ACTL8: variants seen among roughly 807,000 people sequenced by gnomAD.
ACTL8 encodes actin like 8.
A neutral mutation model predicts 9.3 loss-of-function variants in ACTL8; 3 were observed. The ratio of observed to expected loss-of-function variants is 0.32; its 90% CI spans 0.15 to 0.83. ACTL8 has a LOEUF of 0.83. Among genes scored for constraint, ACTL8 ranks in the 40% least tolerant of loss-of-function variants. ACTL8 has a pLI of 0.57. For missense variants in ACTL8, 381 were observed against 492.2 expected (o/e 0.77, Z 2.14); for synonymous variants, 224 against 205.9 (o/e 1.09, Z -0.75).
intron 1 of ACTL8, among the ~76,000 whole-genome samples, chr1:17,794,248 G>C (rs1230332872): frequency 6.6e-6 from 1 of 152,198 alleles, no homozygotes; most frequent in Non-Finnish European, 1.5e-5. Context: ...GAGCCCAGTG[G>C]AGTGGAATCA....
intron 1 of ACTL8, among the ~76,000 whole-genome samples, chr1:17,802,386 G>A (rs1377081381): frequency 6.6e-6 from 1 of 151,676 alleles, no homozygotes; most frequent in Non-Finnish European, 1.5e-5. Context: ...GTTGCATCGT[G>A]CTGGCACTGA....
chr1:17,770,197 G>T (rs1405263060), intron 1 of ACTL8, among the ~76,000 whole-genome samples: 2 of 152,174 alleles, frequency 1.3e-5, no homozygotes, highest in African/African-American at 4.8e-5. Flanking sequence ...TCCTCCTCCT[G>T]ACATCTATCT....
At chr1:17,800,583 C>CTTTTTTTTTTTTTTTTTT (rs59143238) in intron 1 of ACTL8, among the ~76,000 whole-genome samples, 20 of 69,156 alleles carry the variant, frequency 2.9e-4, no homozygotes, top group African/African-American at 1.3e-3. Context: ...TGGTGTCAAT[C>CTTTTTTTTTTTTTTTTTT]TTTTTTTTTT....
chr1:17,794,119 A>G (rs927476842), intron 1 of ACTL8, among the ~76,000 whole-genome samples: 1 of 152,132 alleles, frequency 6.6e-6, no homozygotes, highest in African/African-American at 2.4e-5. Flanking sequence ...GATTATTCCT[A>G]TGGACAGATG....
At chr1:17,825,562 C>G (rs1308996890) in intron 2 of ACTL8, among the ~76,000 whole-genome samples, 1 of 152,228 alleles carries the variant, frequency 6.6e-6, no homozygotes, top group South Asian at 2.1e-4. Context: ...CACGACCAGA[C>G]AAGCTCCTGA....
At chr1:17,791,058 A>G (rs968329154) in intron 1 of ACTL8, among the ~76,000 whole-genome samples, 7 of 152,178 alleles carry the variant, frequency 4.6e-5, no homozygotes, top group Non-Finnish European at 1.0e-4. Flanking sequence ...TGGGCCCCTA[A>G]GAGTGCAGAG....
chr1:17,803,201 G>A (rs767126521), intron 1 of ACTL8, among the ~76,000 whole-genome samples: 12 of 151,682 alleles, frequency 7.9e-5, no homozygotes, highest in Non-Finnish European at 1.6e-4. Context: ...GGGGTTTCCC[G>A]CCCCCCCTTT....
chr1:17,763,741 G>A (rs952990919), intron 1 of ACTL8, among the ~76,000 whole-genome samples: 6 of 152,216 alleles, frequency 3.9e-5, no homozygotes, highest in Non-Finnish European at 7.3e-5. Context: ...ATGTTCCTTA[G>A]TCTTTTCTCC....
At chr1:17,783,357 T>G (rs534020937) in intron 1 of ACTL8, among the ~76,000 whole-genome samples, 9,998 of 131,914 alleles carry the variant, frequency 0.076, 985 homozygotes, top group African/African-American at 0.24. Flanking sequence ...GTTTTGTTTT[T>G]TTTTTTTAAA....
intron 1 of ACTL8, among the ~76,000 whole-genome samples, chr1:17,789,202 C>T (rs1254845412): frequency 6.6e-6 from 1 of 152,070 alleles, no homozygotes; most frequent in Non-Finnish European, 1.5e-5. Flanking sequence ...GTATGGCAGC[C>T]CTTGGTCCTC....
At chr1:17,788,606 G>GA (rs2066215582) in intron 1 of ACTL8, among the ~76,000 whole-genome samples, 1 of 152,266 alleles carries the variant, frequency 6.6e-6, no homozygotes, top group Admixed American at 6.5e-5. Context: ...AGGTGCAGAG[G>GA]AGGAGGGTGG....
intron 1 of ACTL8, among the ~76,000 whole-genome samples, chr1:17,812,081 C>T (rs538201582): frequency 1.9e-4 from 29 of 152,110 alleles, no homozygotes; most frequent in African/African-American, 6.7e-4. Context: ...TTGTCTCGAA[C>T]TCCTGAGCTC....
intron 1 of ACTL8, among the ~76,000 whole-genome samples, chr1:17,806,761 A>G (rs632487): frequency 0.42 from 63,815 of 152,156 alleles, 13,853 homozygotes; most frequent in Admixed American, 0.54. Context: ...GAGCCCTGCG[A>G]CCTGCTGCGC....
intron 1 of ACTL8, among the ~76,000 whole-genome samples, chr1:17,773,704 G>A (rs1012070929): frequency 1.3e-5 from 2 of 152,194 alleles, no homozygotes; most frequent in African/African-American, 2.4e-5. Flanking sequence ...GGCGACATTC[G>A]TGACCTTTCT....
chr1:17,760,573 A>G (rs1051813968), intron 1 of ACTL8, among the ~76,000 whole-genome samples: 1 of 152,154 alleles, frequency 6.6e-6, no homozygotes, highest in Non-Finnish European at 1.5e-5. Context: ...GGTGCTAGCC[A>G]TTATGTGTTC....
At chr1:17,756,552 T>TA (rs1200738652) in intron 1 of ACTL8, among the ~76,000 whole-genome samples, 1 of 152,214 alleles carries the variant, frequency 6.6e-6, no homozygotes, top group Non-Finnish European at 1.5e-5. Context: ...TTCTCTATTA[T>TA]AAGTTAATAA....
At chr1:17,800,425 A>G (rs1460104000) in intron 1 of ACTL8, among the ~76,000 whole-genome samples, 2 of 152,004 alleles carry the variant, frequency 1.3e-5, no homozygotes, top group African/African-American at 2.4e-5. Flanking sequence ...GATTTTTTCT[A>G]TAGATGATAT....
At chr1:17,757,482 C>A (rs1011332517) in intron 1 of ACTL8, among the ~76,000 whole-genome samples, 1 of 144,570 alleles carries the variant, frequency 6.9e-6, no homozygotes, top group Non-Finnish European at 1.5e-5. Flanking sequence ...GCCCACCCCC[C>A]CCACCCCCAC....
intron 1 of ACTL8, among the ~76,000 whole-genome samples, chr1:17,769,205 T>G (rs375112193): frequency 1.7e-4 from 26 of 152,280 alleles, no homozygotes; most frequent in African/African-American, 5.8e-4. Context: ...GCGCCTTGAT[T>G]CTTTTCCTTC....
Sources: allele counts gnomAD v4.1 joint callset (sites outside exome capture counted in the v4.1 genomes callset), GRCh38; gene constraint gnomAD v4.1.1; transcripts MANE v1.5; gene names NCBI Gene and HGNC (gene_info 2026-07-23, HGNC 2026-07-21).